EPG5: variants seen among roughly 807,000 people sequenced by gnomAD.
The protein encoded by EPG5 is ectopic P-granules 5 autophagy tethering factor, also known as ectopic P granules protein 5 homolog.
Under a neutral mutation model 302.7 loss-of-function variants are expected in EPG5, and 159 were observed. The observed-to-expected ratio is 0.53, with a 90% CI of 0.46 to 0.60. EPG5 has a LOEUF of 0.60. Among genes scored for constraint, EPG5 ranks in the 20% least tolerant of loss-of-function variants. The pLI, the probability that EPG5 is intolerant of heterozygous loss-of-function variation, is 0.00. For missense variants in EPG5, 2,896 were observed against 3,092.4 expected (o/e 0.94, Z 1.51); for synonymous variants, 1,158 against 1,136.8 (o/e 1.02, Z -0.37).
intron 27 of EPG5, among the ~76,000 whole-genome samples, chr18:45,898,179 G>T (rs1026069308): frequency 4.1e-4 from 63 of 152,278 alleles, no homozygotes; most frequent in South Asian, 2.1e-4. Flanking sequence ...GGGCAACATG[G>T]CAAAATCCCA....
intron 34 of EPG5, among the ~76,000 whole-genome samples, chr18:45,877,214 T>C (rs1025095532): frequency 2.6e-5 from 4 of 151,900 alleles, no homozygotes; most frequent in Non-Finnish European, 4.4e-5. Context: ...CTGGCCAACA[T>C]AGCAAAACAC....
chr18:45,916,406 G>A (rs1277886796), intron 18 of EPG5, 32 bp downstream of exon 18: 1 of 1,596,570 alleles, frequency 6.3e-7, no homozygotes, highest in Middle Eastern at 1.8e-4. Context: ...AAGACAGGCG[G>A]GAGTGTGCTT....
chr18:45,868,729 C>T (rs1437503753), intron 36 of EPG5, among the ~76,000 whole-genome samples: 2 of 150,588 alleles, frequency 1.3e-5, no homozygotes, highest in Admixed American at 6.6e-5. Flanking sequence ...TTAGTCTTTA[C>T]AATTTTTGAT....
At chr18:45,807,319 T>C in the EPG5 span, among the ~76,000 whole-genome samples, 1 of 152,140 alleles carries the variant, frequency 6.6e-6, no homozygotes, top group African/African-American at 2.4e-5. Context: ...ACAAAGGGCA[T>C]ATACTCTTGG....
At chr18:45,870,848 T>C in intron 35 of EPG5, 106 bp from the exon 36 acceptor site, 1 of 939,604 alleles carries the variant, frequency 1.1e-6, no homozygotes. Context: ...TTCTCATGAT[T>C]GACCCAATTT....
In EPG5 at chr18:45,904,218, G is replaced by A. The variant is rs935222601; in HGVS notation, c.4330-101C>T. 31 of 1,346,704 alleles carry A rather than the reference G, an allele frequency of 2.3e-5. No individual in the cohort carries two copies. The Admixed American group carries it at 2.4e-4, about 10-fold the overall frequency. The allele number at this position is 1,346,704 out of a possible 1,614,324, so 83.4% of individuals were successfully genotyped here. On this transcript the variant is annotated intron_variant, in intron 24 of 43. Transcript: ENST00000282041. Reference sequence around the variant, plus strand: ...AAAGTGAACCAGTAAGTTTCAACACGAAGTGGTCTACTCCAAGTCCTCCAC... The same window carrying A: ...AAAGTGAACCAGTAAGTTTCAACACAAAGTGGTCTACTCCAAGTCCTCCAC...
chr18:45,837,651 G>T, the EPG5 span: 1 of 1,505,872 alleles, frequency 6.6e-7, no homozygotes, highest in Non-Finnish European at 8.8e-7. Flanking sequence ...TGGCGCGCGG[G>T]CGAGCCCTAT....
intron 35 of EPG5, among the ~76,000 whole-genome samples, chr18:45,873,556 T>C (rs1307440807): frequency 6.6e-6 from 1 of 152,074 alleles, no homozygotes; most frequent in East Asian, 1.9e-4. Flanking sequence ...TTTATGATTA[T>C]AATTTGGTGC....
At chr18:45,838,772 G>A in the EPG5 span, 4 of 1,572,890 alleles carry the variant, frequency 2.5e-6, no homozygotes, top group Non-Finnish European at 3.4e-6. Flanking sequence ...CACGCCTTCC[G>A]CGCGCTCTGC....
chr18:45,818,732 C>CT, the EPG5 span, among the ~76,000 whole-genome samples: 13,147 of 111,056 alleles, frequency 0.12, 2,662 homozygotes, highest in African/African-American at 0.38. Context: ...TTTTGCATAA[C>CT]TTTTTTTTTT....
At chr18:45,855,531 G>T in intron 43 of EPG5, 42 bp downstream of exon 43, 1 of 1,432,456 alleles carries the variant, frequency 7.0e-7, no homozygotes, top group Non-Finnish European at 9.8e-7. Flanking sequence ...TTCTAGGGAA[G>T]ATGTGCAGGC....
At chr18:45,960,269 TA>T (rs1351261087) in intron 1 of EPG5, among the ~76,000 whole-genome samples, 3 of 151,720 alleles carry the variant, frequency 2.0e-5, no homozygotes, top group African/African-American at 2.4e-5. Flanking sequence ...TTTCCTTTTT[TA>T]AAAAAAAATC....
At chr18:45,855,394 CA>C in intron 43 of EPG5, 178 bp downstream of exon 43, 1 of 543,608 alleles carries the variant, frequency 1.8e-6, no homozygotes, top group Admixed American at 3.2e-5. Flanking sequence ...CAACTGCCTA[CA>C]AAAATTTGGA....
At chr18:45,802,531 AC>A in the EPG5 span, among the ~76,000 whole-genome samples, 15 of 152,028 alleles carry the variant, frequency 9.9e-5, no homozygotes, top group Admixed American at 9.8e-4. Flanking sequence ...AAAACAAAAA[AC>A]AAAAAAAAAA....
the EPG5 span, among the ~76,000 whole-genome samples, chr18:45,802,929 G>C: frequency 2.6e-5 from 4 of 152,256 alleles, no homozygotes; most frequent in South Asian, 6.2e-4. Flanking sequence ...CCTTCCCCCA[G>C]TCTCTTAAGG....
chr18:45,880,118 GCGCCCTCGGTGGACGC>G lies in EPG5; in HGVS notation c.5608_5623del (p.Ala1870ProfsTer16). Reference sequence around the variant, plus strand: ...AGCATCAGAAGAGCTGGGAAGCACGGCGCCCTCGGTGGACGCTGCCCCCTGCTGGCAGCTGGGGGCG... The same window carrying G: ...AGCATCAGAAGAGCTGGGAAGCACGGTGCCCCCTGCTGGCAGCTGGGGGCG... On this transcript the variant is annotated frameshift_variant, in exon 32 of 44. Coordinates refer to ENST00000282041, the MANE Select transcript of EPG5 (RefSeq NM_020964.3). LOFTEE classifies it high-confidence loss of function. 1 of 1,610,660 alleles carries G rather than the reference GCGCCCTCGGTGGACGC, an allele frequency of 6.2e-7. No homozygotes were observed.
intron 41 of EPG5, 96 bp downstream of exon 41, chr18:45,858,465 TGCACC>T: frequency 1.2e-6 from 1 of 812,276 alleles, no homozygotes; most frequent in Non-Finnish European, 2.0e-6. Context: ...TTATTTTTTA[TGCACC>T]TCTTGGTTCT....
chr18:45,917,852 A>G, intron 16 of EPG5, 33 bp from the exon 17 acceptor site: 1 of 1,611,230 alleles, frequency 6.2e-7, no homozygotes, highest in South Asian at 1.1e-5. Context: ...TGAATACACA[A>G]GGGAGCTGGT....
At chr18:45,869,669 A>G (rs2048828911) in intron 36 of EPG5, among the ~76,000 whole-genome samples, 1 of 152,164 alleles carries the variant, frequency 6.6e-6, no homozygotes. Flanking sequence ...TAAGCCTGGG[A>G]TTTCTCTAGA....
Sources: gnomAD v4.1 joint callset for allele counts (sites outside exome capture counted in the v4.1 genomes callset) on GRCh38, gnomAD v4.1.1 for gene constraint, MANE v1.5 for transcripts, NCBI Gene and HGNC (gene_info 2026-07-23, HGNC 2026-07-21) for gene names.